The following FRMD4A variants were observed in gnomAD, a reference collection of about 807,000 sequenced individuals.
The protein encoded by FRMD4A is FERM domain containing 4A.
A neutral mutation model predicts 129.1 loss-of-function variants in FRMD4A; 29 were observed. The observed-to-expected ratio is 0.22, with a 90% CI of 0.17 to 0.31. The LOEUF is 0.31. Among genes scored for constraint, FRMD4A ranks in the 10% least tolerant of loss-of-function variants. The pLI, the probability that FRMD4A is intolerant of heterozygous loss-of-function variation, is 1.00. For synonymous variants in FRMD4A, 634 were observed against 571.6 expected (o/e 1.11, Z -1.56); for missense variants, 1,272 against 1,375.8 (o/e 0.92, Z 1.19).
chr10:13,876,714 G>A (rs2094492370), intron 2 of FRMD4A, among the ~76,000 whole-genome samples: 2 of 152,122 alleles, frequency 1.3e-5, no homozygotes, highest in Non-Finnish European at 2.9e-5. Flanking sequence ...TTTCACAGTT[G>A]TAAACATTTT....
At chr10:14,134,701 AGATGGGTGGATGGATG>A (rs925878894) in intron 2 of FRMD4A, among the ~76,000 whole-genome samples, 19 of 148,842 alleles carry the variant, frequency 1.3e-4, no homozygotes, top group African/African-American at 4.5e-4. Flanking sequence ...GTGGGTCAAT[AGATGGGTGGATGGATG>A]GATGGGTGGA....
chr10:13,724,458 T>C (rs1588435906), intron 12 of FRMD4A, among the ~76,000 whole-genome samples: 4 of 152,314 alleles, frequency 2.6e-5, no homozygotes, highest in African/African-American at 9.6e-5. Context: ...CAAAGTCTTC[T>C]GTCTTCCAGC....
intron 11 of FRMD4A, among the ~76,000 whole-genome samples, chr10:13,739,675 A>G (rs998180974): frequency 6.6e-6 from 1 of 152,242 alleles, no homozygotes; most frequent in Non-Finnish European, 1.5e-5. Flanking sequence ...AGGGCTGACA[A>G]AGAAATGGAC....
At chr10:13,843,032 G>A (rs988688540) in intron 3 of FRMD4A, among the ~76,000 whole-genome samples, 1 of 152,126 alleles carries the variant, frequency 6.6e-6, no homozygotes, top group Non-Finnish European at 1.5e-5. Context: ...AAAAAGTCTG[G>A]GAACTGCTGC....
intron 2 of FRMD4A, among the ~76,000 whole-genome samples, chr10:13,942,801 C>T (rs2010488): frequency 0.016 from 2,479 of 152,074 alleles, 72 homozygotes; most frequent in African/African-American, 0.057. Flanking sequence ...GGCGTGGTGG[C>T]GCGCGTCTGT....
At chr10:13,815,336 T>C (rs1305680678) in intron 3 of FRMD4A, among the ~76,000 whole-genome samples, 1 of 152,124 alleles carries the variant, frequency 6.6e-6, no homozygotes, top group Non-Finnish European at 1.5e-5. Context: ...TGCACTTAGA[T>C]GAGGTAATTA....
chr10:14,179,660 C>A (rs1841846930), intron 2 of FRMD4A, among the ~76,000 whole-genome samples: 1 of 152,196 alleles, frequency 6.6e-6, no homozygotes, highest in Non-Finnish European at 1.5e-5. Context: ...AGAAAACATT[C>A]TACAAGTTCT....
Position 13,909,799 on chromosome 10 carries a change from C to T in FRMD4A, c.46-50887G>A, listed in dbSNP as rs377418942. On this transcript the variant is annotated intron_variant, in intron 2 of 24. Coordinates refer to ENST00000357447, the MANE Select transcript of FRMD4A (RefSeq NM_018027.5). ...AAGAAAACTAAAATGAAAACCCAAA[C>T]GCAAGTGGTGGAGAGTTCTTTAAGA... Among the ~76,000 whole-genome samples the T allele has an allele frequency of 1.6e-4, 25 of 152,306 alleles. No homozygotes were observed. In the South Asian group the frequency reaches 4.1e-3, roughly 25 times the overall value.
intron 2 of FRMD4A, among the ~76,000 whole-genome samples, chr10:13,924,462 C>T (rs2095107585): frequency 1.3e-5 from 2 of 151,844 alleles, no homozygotes; most frequent in Non-Finnish European, 2.9e-5. Flanking sequence ...TCTAGGCCAC[C>T]ACACTTACCG....
At chr10:14,236,881 T>C (rs1843836275) in intron 2 of FRMD4A, among the ~76,000 whole-genome samples, 1 of 151,734 alleles carries the variant, frequency 6.6e-6, no homozygotes. Context: ...TGTGTTTGGG[T>C]CTGGGTCTGC....
intron 14 of FRMD4A, among the ~76,000 whole-genome samples, chr10:13,701,039 G>A (rs370331923): frequency 1.3e-5 from 2 of 152,020 alleles, no homozygotes; most frequent in East Asian, 3.9e-4. Flanking sequence ...GCTGCTAGAG[G>A]ATTCTCCCGA....
At chr10:13,986,757 G>A (rs1239829764) in intron 2 of FRMD4A, among the ~76,000 whole-genome samples, 1 of 151,726 alleles carries the variant, frequency 6.6e-6, no homozygotes, top group African/African-American at 2.4e-5. Context: ...TGGTCTGGGG[G>A]AGGGACTCAG....
Position 13,657,149 on chromosome 10 carries a change from CCGCGCCCCCCGCACCCCCG to C in FRMD4A, c.2421_2439del (p.Gly809AlafsTer82). 1 of 1,481,168 alleles carries C rather than the reference CCGCGCCCCCCGCACCCCCG, an allele frequency of 6.8e-7. No individual in the cohort carries two copies. The highest frequency in any genetic ancestry group is 2.8e-5 in the East Asian group (1 of 35,214). The allele number at this position is 1,481,168 out of a possible 1,614,324, so 91.8% of individuals were successfully genotyped here. A position where few individuals can be genotyped will look rare whatever the true frequency, so the allele number is the denominator to read the frequency against. On this transcript the variant is annotated frameshift_variant, in exon 22 of 25. Coordinates refer to ENST00000357447, the MANE Select transcript of FRMD4A (RefSeq NM_018027.5). LOFTEE classifies it high-confidence loss of function. ...AGGTACACACCGCCCCCCGCGCCCC[CCGCGCCCCCCGCACCCCCG>C]CGCGCCGCCAGGTTGGGCATGCTGC...
chr10:13,903,024 G>A (rs569306967), intron 2 of FRMD4A, among the ~76,000 whole-genome samples: 4 of 152,016 alleles, frequency 2.6e-5, no homozygotes, highest in Non-Finnish European at 5.9e-5. Context: ...CCTACCTCTT[G>A]GCTTTTACTG....
At chr10:13,768,606 A>G (rs745649139) in intron 6 of FRMD4A, among the ~76,000 whole-genome samples, 11 of 152,234 alleles carry the variant, frequency 7.2e-5, no homozygotes, top group Non-Finnish European at 1.6e-4. Context: ...AATTCTCACC[A>G]GTTATCACCA....
rs528435712 is a variant in FRMD4A at position 14,104,654 on chromosome 10, C to T, written c.45+225404G>A. Among the ~76,000 whole-genome samples, 17 of 152,364 alleles carry T rather than the reference C, an allele frequency of 1.1e-4. No homozygotes were observed. In the South Asian group the frequency reaches 3.5e-3, roughly 32 times the overall value. Reference sequence around the variant, plus strand: ...GAGACACAAAGCCAAGAGAATTTCCCCAGCCACTCTGGTCTCCACGAGCCA... The same window carrying T: ...GAGACACAAAGCCAAGAGAATTTCCTCAGCCACTCTGGTCTCCACGAGCCA... On this transcript the variant is annotated intron_variant, in intron 2 of 24. Coordinates refer to ENST00000357447, the MANE Select transcript of FRMD4A (RefSeq NM_018027.5).
At chr10:13,792,256 C>T (rs1282137181) in intron 5 of FRMD4A, among the ~76,000 whole-genome samples, 1 of 152,192 alleles carries the variant, frequency 6.6e-6, no homozygotes, top group Non-Finnish European at 1.5e-5. Flanking sequence ...GCAAACATGG[C>T]CAAGCGTGGG....
At chr10:13,650,032 A>AGAATGCCCTTTCCC (rs1303792545) in intron 24 of FRMD4A, among the ~76,000 whole-genome samples, 3 of 152,190 alleles carry the variant, frequency 2.0e-5, no homozygotes, top group African/African-American at 7.2e-5. Context: ...TTCCACTGCA[A>AGAATGCCCTTTCCC]GAATGCCCTT....
At chr10:13,971,663 A>G in intron 2 of FRMD4A, 1 of 1,303,432 alleles carries the variant, frequency 7.7e-7, no homozygotes, top group South Asian at 1.2e-5. Context: ...CACCTGATAG[A>G]CGGCCCTGGA....
Sources: gnomAD v4.1 joint callset for allele counts (sites outside exome capture counted in the v4.1 genomes callset) on GRCh38, gnomAD v4.1.1 for gene constraint, MANE v1.5 for transcripts, NCBI Gene and HGNC (gene_info 2026-07-23, HGNC 2026-07-21) for gene names.